Variants in LCLAT1 observed in about 807,000 individuals in gnomAD.
The protein encoded by LCLAT1 is lysocardiolipin acyltransferase 1, also known as 1-AGP acyltransferase 8.
A neutral mutation model predicts 30.7 loss-of-function variants in LCLAT1; 11 were observed. The ratio of observed to expected loss-of-function variants is 0.36; its 90% CI spans 0.23 to 0.59. The LOEUF (loss-of-function observed/expected upper bound fraction) is 0.59, where lower values mean the gene tolerates loss of function less well. LCLAT1 is among the 20% of genes least tolerant of loss of function. The probability of loss-of-function intolerance (pLI) is 0.77; values close to 1 mark genes in which losing one functional copy is unlikely to be tolerated. For missense variants in LCLAT1, 402 were observed against 458.6 expected, an observed-to-expected ratio of 0.88 and a Z score of 1.13; for synonymous variants, 155 against 151.3, an observed-to-expected ratio of 1.02 and a Z score of -0.18.
intron 5 of LCLAT1, among the ~76,000 whole-genome samples, chr2:30,585,268 TA>T (rs145941499): frequency 2.0e-5 from 3 of 150,430 alleles, no homozygotes; most frequent in South Asian, 2.1e-4. Context: ...CCATCCTCGG[TA>T]AAAAAAAATA....
intron 5 of LCLAT1, among the ~76,000 whole-genome samples, chr2:30,608,833 A>C (rs1667595644): frequency 6.6e-6 from 1 of 152,158 alleles, no homozygotes; most frequent in South Asian, 2.1e-4. Flanking sequence ...TGTATGTCCA[A>C]GAGTAGAACT....
chr2:30,586,258 A>C (rs1484580155), intron 5 of LCLAT1, among the ~76,000 whole-genome samples: 1 of 151,744 alleles, frequency 6.6e-6, no homozygotes, highest in Non-Finnish European at 1.5e-5. Flanking sequence ...AAAAAAAAAA[A>C]AAAACCCAGT....
At chr2:30,568,505 CTTTTTTTTTT>C (rs35285466) in intron 5 of LCLAT1, among the ~76,000 whole-genome samples, 2 of 85,364 alleles carry the variant, frequency 2.3e-5, no homozygotes, top group African/African-American at 9.6e-5. Flanking sequence ...GTCTTTCTTT[CTTTTTTTTTT>C]TTTTTTTTTT....
At chr2:30,555,739 T>G (rs895326612) in intron 3 of LCLAT1, among the ~76,000 whole-genome samples, 3 of 151,942 alleles carry the variant, frequency 2.0e-5, no homozygotes, top group Admixed American at 6.6e-5. Context: ...AATGGAAGGG[T>G]GAAAAAATTT....
intron 1 of LCLAT1, among the ~76,000 whole-genome samples, chr2:30,512,765 T>C (rs558843361): frequency 3.9e-5 from 6 of 152,360 alleles, no homozygotes; most frequent in African/African-American, 1.4e-4. Context: ...GTGAGTTTCC[T>C]TATTCTCTTG....
intron 5 of LCLAT1, among the ~76,000 whole-genome samples, chr2:30,571,129 A>G (rs1460223214): frequency 6.6e-6 from 1 of 152,190 alleles, no homozygotes; most frequent in Non-Finnish European, 1.5e-5. Flanking sequence ...TTATATTTCA[A>G]TCCATACTTA....
chr2:30,597,565 G>C (rs1666980651), intron 5 of LCLAT1, among the ~76,000 whole-genome samples: 1 of 152,144 alleles, frequency 6.6e-6, no homozygotes, highest in Admixed American at 6.5e-5. Context: ...GGATTTTCTA[G>C]ATACAGGATC....
chr2:30,548,476 A>T (rs1008225645), intron 3 of LCLAT1, among the ~76,000 whole-genome samples: 1 of 152,200 alleles, frequency 6.6e-6, no homozygotes, highest in East Asian at 1.9e-4. Flanking sequence ...CTGGTTTACA[A>T]TTGGCCGAGT....
intron 5 of LCLAT1, among the ~76,000 whole-genome samples, chr2:30,639,598 T>C (rs1357730251): frequency 6.6e-6 from 1 of 152,198 alleles, no homozygotes; most frequent in Non-Finnish European, 1.5e-5. Context: ...CTCAAGTTGA[T>C]GTTTTTTAAA....
chr2:30,577,197 T>C (rs975268506), intron 5 of LCLAT1, among the ~76,000 whole-genome samples: 5 of 151,958 alleles, frequency 3.3e-5, no homozygotes, highest in Non-Finnish European at 7.4e-5. Context: ...CACCTTGTCA[T>C]AGAATCTGGG....
At chr2:30,548,199 C>T (rs540633527) in intron 3 of LCLAT1, among the ~76,000 whole-genome samples, 21 of 152,088 alleles carry the variant, frequency 1.4e-4, no homozygotes, top group Non-Finnish European at 2.4e-4. Flanking sequence ...TGGGGATATA[C>T]GTTTGTTGAC....
intron 5 of LCLAT1, among the ~76,000 whole-genome samples, chr2:30,608,188 G>A (rs553607600): frequency 2.0e-5 from 3 of 151,802 alleles, no homozygotes; most frequent in Admixed American, 2.0e-4. Flanking sequence ...GGGCGTGGTG[G>A]CAGGTGCCTC....
At chr2:30,474,719 G>C (rs1682962111) in intron 1 of LCLAT1, among the ~76,000 whole-genome samples, 1 of 149,834 alleles carries the variant, frequency 6.7e-6, no homozygotes, top group South Asian at 2.1e-4. Context: ...CACAATCCCA[G>C]CTCACAGTAG....
intron 3 of LCLAT1, among the ~76,000 whole-genome samples, chr2:30,554,200 C>T (rs533231519): frequency 2.8e-4 from 43 of 152,304 alleles, no homozygotes; most frequent in Middle Eastern, 3.4e-3. Context: ...ACATGGGGAG[C>T]AAGAGGTATT....
At chr2:30,568,013 T>A in intron 4 of LCLAT1, 47 bp from the exon 5 acceptor site, 1 of 995,836 alleles carries the variant, frequency 1.0e-6, no homozygotes, top group Non-Finnish European at 1.5e-6. Flanking sequence ...TTACCTTGTT[T>A]ATTTCCCTTT....
intron 1 of LCLAT1, chr2:30,459,764 T>A (rs829573): frequency 0.24 from 326,472 of 1,345,836 alleles, 40,683 homozygotes; most frequent in East Asian, 0.34. Flanking sequence ...GTTTTTGTCT[T>A]GCTTCATATA....
intron 5 of LCLAT1, among the ~76,000 whole-genome samples, chr2:30,628,738 T>C (rs1476889975): frequency 6.6e-6 from 1 of 152,186 alleles, no homozygotes; most frequent in Non-Finnish European, 1.5e-5. Flanking sequence ...GTTGTTTTGC[T>C]TGAAAAACTG....
chr2:30,617,601 A>ATTAGTATTATTTGAGGGTTCCAGTTGT (rs1668056079), intron 5 of LCLAT1, among the ~76,000 whole-genome samples: 1 of 152,146 alleles, frequency 6.6e-6, no homozygotes, highest in South Asian at 2.1e-4. Flanking sequence ...TTACATGTCC[A>ATTAGTATTATTTGAGGGTTCCAGTTGT]TTAGTATTAT....
intron 5 of LCLAT1, chr2:30,607,393 A>G (rs1028514735): frequency 2.0e-5 from 3 of 152,102 alleles, no homozygotes; most frequent in Non-Finnish European, 2.9e-5. Context: ...CCTTTGGGAT[A>G]TACAGTCATG....
Sources: gnomAD v4.1 joint callset for allele counts (sites outside exome capture counted in the v4.1 genomes callset) on GRCh38, gnomAD v4.1.1 for gene constraint, MANE v1.5 for transcripts, NCBI Gene and HGNC (gene_info 2026-07-23, HGNC 2026-07-21) for gene names.